Variants in CDKAL1 observed in about 807,000 individuals in gnomAD.
CDKAL1 encodes the protein CDKAL1 threonylcarbamoyladenosine tRNA methylthiotransferase, also known as threonylcarbamoyladenosine tRNA methylthiotransferase.
In CDKAL1, 32 loss-of-function variants were observed where a neutral mutation model predicts 68.2. That is an observed-to-expected ratio of 0.47 (90% CI 0.35 to 0.63). The LOEUF is 0.63. Among genes scored for constraint, CDKAL1 ranks in the 30% least tolerant of loss-of-function variants. CDKAL1 has a pLI of 0.00. For missense variants in CDKAL1, 606 were observed against 696.7 expected (o/e 0.87, Z 1.47); for synonymous variants, 234 against 244.3 (o/e 0.96, Z 0.39).
At chr6:20,728,166 A>G (rs1192989033) in intron 5 of CDKAL1, among the ~76,000 whole-genome samples, 1 of 152,060 alleles carries the variant, frequency 6.6e-6, no homozygotes, top group African/African-American at 2.4e-5. Flanking sequence ...GTTCATGTGT[A>G]TTTCTGTATA....
chr6:20,730,345 C>T (rs1213444044), intron 5 of CDKAL1, among the ~76,000 whole-genome samples: 3 of 127,646 alleles, frequency 2.4e-5, no homozygotes, highest in East Asian at 4.6e-4. Context: ...AAGCCAGACC[C>T]GAAAAGAAAG....
At chr6:20,852,740 A>C (rs566782256) in intron 9 of CDKAL1, among the ~76,000 whole-genome samples, 4 of 152,300 alleles carry the variant, frequency 2.6e-5, no homozygotes, top group African/African-American at 9.6e-5. Context: ...TGGTGTTTAA[A>C]CTTTTCTTAG....
chr6:20,719,065 G>A (rs1772224745), intron 5 of CDKAL1, among the ~76,000 whole-genome samples: 1 of 152,190 alleles, frequency 6.6e-6, no homozygotes, highest in Non-Finnish European at 1.5e-5. Flanking sequence ...CAGAGTCCGG[G>A]TTCAAGTTGA....
intron 11 of CDKAL1, among the ~76,000 whole-genome samples, chr6:21,042,702 C>T (rs1183804989): frequency 1.3e-5 from 2 of 152,148 alleles, no homozygotes; most frequent in Non-Finnish European, 2.9e-5. Flanking sequence ...TCTGTTTCAT[C>T]GATCTCATTC....
At chr6:21,004,598 A>G (rs926081857) in intron 11 of CDKAL1, among the ~76,000 whole-genome samples, 5 of 152,182 alleles carry the variant, frequency 3.3e-5, no homozygotes, top group Non-Finnish European at 7.3e-5. Context: ...TTTGAAGTAT[A>G]AAATGGGATT....
At chr6:20,869,028 G>A (rs1760053607) in intron 9 of CDKAL1, among the ~76,000 whole-genome samples, 1 of 152,324 alleles carries the variant, frequency 6.6e-6, no homozygotes, top group East Asian at 1.9e-4. Context: ...GAATACTGCA[G>A]CACCATCTGG....
intron 4 of CDKAL1, among the ~76,000 whole-genome samples, chr6:20,609,276 CCTCCTTCTCCTTCTT>C (rs70990053): frequency 1.5e-5 from 2 of 131,664 alleles, no homozygotes; most frequent in Non-Finnish European, 3.1e-5. Flanking sequence ...TCCTCCTTCT[CCTCCTTCTCCTTCTT>C]CTCCTTCTCC....
At chr6:20,605,043 A>G (rs1462095236) in intron 4 of CDKAL1, among the ~76,000 whole-genome samples, 1 of 151,044 alleles carries the variant, frequency 6.6e-6, no homozygotes, top group Non-Finnish European at 1.5e-5. Flanking sequence ...TACACTACTG[A>G]GCAAATACTC....
At chr6:21,163,778 C>T (rs1336080896) in intron 13 of CDKAL1, among the ~76,000 whole-genome samples, 1 of 151,984 alleles carries the variant, frequency 6.6e-6, no homozygotes, top group Non-Finnish European at 1.5e-5. Context: ...CATGGCAAAC[C>T]CCATCTCTAC....
Position 20,765,231 on chromosome 6 carries a change from A to C in CDKAL1, c.517+6588A>C, listed in dbSNP as rs1429496352. On this transcript the variant is annotated intron_variant, in intron 7 of 15. Transcript: ENST00000274695. ...GAGTGCAGTGGCGGGATCTCGGCTC[A>C]CTGCAAGCTCCGCCTCCCGGGTTCA... Among the ~76,000 whole-genome samples, 2 of 27,924 alleles carry C rather than the reference A, an allele frequency of 7.2e-5. 1 individual carries two copies. The highest frequency in any genetic ancestry group is 9.5e-3 in the East Asian group (2 of 210). 18.3% of individuals were successfully genotyped at this position (27,924 alleles called of 152,430 possible). A position where few individuals can be genotyped will look rare whatever the true frequency, so the allele number is the denominator to read the frequency against.
rs532740632 is a variant in CDKAL1 at position 20,812,130 on chromosome 6, G to C, written c.638+30865G>C. On this transcript the variant is annotated intron_variant, in intron 8 of 15. Transcript: ENST00000274695. ...TGAAAAGAATTTTTTTAAAAATTTG[G>C]TTACCCTGCTTTATAGTTTCTATAG... 9.9e-5 allele frequency among the ~76,000 whole-genome samples: 15 copies of C among 152,226 alleles called. No individual in the cohort carries two copies. In the South Asian group the frequency reaches 2.7e-3, roughly 27 times the overall value.
intron 15 of CDKAL1, among the ~76,000 whole-genome samples, chr6:21,212,939 C>A (rs9358399): frequency 2.0e-5 from 3 of 152,016 alleles, no homozygotes; most frequent in Non-Finnish European, 4.4e-5. Context: ...AGATGTAGCA[C>A]CTTGCAAATT....
intron 8 of CDKAL1, among the ~76,000 whole-genome samples, chr6:20,825,919 T>C (rs1466156812): frequency 6.6e-6 from 1 of 152,166 alleles, no homozygotes; most frequent in Non-Finnish European, 1.5e-5. Context: ...TTCTATTTCT[T>C]ATTCTGTCAT....
intron 13 of CDKAL1, among the ~76,000 whole-genome samples, chr6:21,191,474 A>G (rs1312901132): frequency 6.6e-6 from 1 of 152,252 alleles, no homozygotes; most frequent in African/African-American, 2.4e-5. Context: ...TGTTTGTCAC[A>G]GACGTTTCTC....
chr6:21,160,656 CGTGTGTGT>C (rs1554189725), intron 13 of CDKAL1, among the ~76,000 whole-genome samples: 1 of 127,988 alleles, frequency 7.8e-6, no homozygotes, highest in Non-Finnish European at 1.7e-5. Flanking sequence ...CACACACACA[CGTGTGTGT>C]GTGTGTGTGT....
intron 4 of CDKAL1, among the ~76,000 whole-genome samples, chr6:20,635,063 A>G (rs1306380455): frequency 1.3e-5 from 2 of 151,848 alleles, no homozygotes; most frequent in East Asian, 3.9e-4. Flanking sequence ...TGTGCCATTT[A>G]TGGAACTGTA....
At chr6:21,085,222 T>A (rs1772628203) in intron 12 of CDKAL1, among the ~76,000 whole-genome samples, 1 of 152,186 alleles carries the variant, frequency 6.6e-6, no homozygotes. Context: ...GGGAGTCATG[T>A]AAGTCTCTTG....
chr6:20,888,203 C>T (rs992752134), intron 9 of CDKAL1, among the ~76,000 whole-genome samples: 2 of 151,876 alleles, frequency 1.3e-5, no homozygotes, highest in African/African-American at 4.8e-5. Context: ...TCAATTCCCA[C>T]CTATGAGTGA....
intron 10 of CDKAL1, among the ~76,000 whole-genome samples, chr6:20,980,050 C>T (rs956222521): frequency 1.3e-5 from 2 of 151,966 alleles, no homozygotes; most frequent in African/African-American, 2.4e-5. Context: ...GGATTACAGG[C>T]GTGAGCCACC....
Sources: gnomAD v4.1 joint callset for allele counts (sites outside exome capture counted in the v4.1 genomes callset) on GRCh38, gnomAD v4.1.1 for gene constraint, MANE v1.5 for transcripts, NCBI Gene and HGNC (gene_info 2026-07-23, HGNC 2026-07-21) for gene names.